LRRC37A2: variants seen among roughly 807,000 people sequenced by gnomAD.
LRRC37A2 encodes leucine-rich repeat-containing protein 37A2.
Under a neutral mutation model 68.8 loss-of-function variants are expected in LRRC37A2, and 9 were observed. That is an observed-to-expected ratio of 0.13 (90% CI 0.08 to 0.23). The LOEUF is 0.23. LRRC37A2 is among the 10% of genes least tolerant of loss of function. The pLI is 1.00. For missense variants in LRRC37A2, 168 were observed against 950.4 expected (o/e 0.18, Z 10.82); for synonymous variants, 63 against 367.6 (o/e 0.17, Z 9.48).
the LRRC37A2 span, among the ~76,000 whole-genome samples, chr17:46,865,670 C>T: frequency 0.01 from 1,578 of 152,188 alleles, 23 homozygotes; most frequent in African/African-American, 0.036. Context: ...GGCTGGAGTG[C>T]GGTGGCGTGA....
chr17:46,978,764 A>G, the LRRC37A2 span: 1 of 1,612,618 alleles, frequency 6.2e-7, no homozygotes. Flanking sequence ...AAGACGCCGA[A>G]GACCACGGTA....
At chr17:46,868,579 G>C in the LRRC37A2 span, among the ~76,000 whole-genome samples, 1 of 151,958 alleles carries the variant, frequency 6.6e-6, no homozygotes, top group Non-Finnish European at 1.5e-5. Context: ...CTGGGTGATG[G>C]AGTGAGACTC....
the LRRC37A2 span, among the ~76,000 whole-genome samples, chr17:46,961,718 A>G: frequency 6.6e-6 from 1 of 152,198 alleles, no homozygotes; most frequent in Non-Finnish European, 1.5e-5. Context: ...GACATAGAAA[A>G]TTTGCAAGCA....
the LRRC37A2 span, among the ~76,000 whole-genome samples, chr17:46,914,975 A>G: frequency 6.6e-6 from 1 of 152,312 alleles, no homozygotes; most frequent in South Asian, 2.1e-4. Flanking sequence ...ATATTTTCAT[A>G]AGCCCTGTAC....
At chr17:46,817,073 G>A in the LRRC37A2 span, among the ~76,000 whole-genome samples, 808 of 152,298 alleles carry the variant, frequency 5.3e-3, 8 homozygotes, top group Middle Eastern at 0.014. Context: ...GGCTGTCCTG[G>A]GAGCAACTCC....
At chr17:47,011,882 A>T in the LRRC37A2 span, among the ~76,000 whole-genome samples, 1 of 152,016 alleles carries the variant, frequency 6.6e-6, no homozygotes, top group Non-Finnish European at 1.5e-5. Flanking sequence ...GGGGGCACAC[A>T]CTCTCTCTCT....
chr17:46,745,947 G>A, the LRRC37A2 span, among the ~76,000 whole-genome samples: 1 of 152,122 alleles, frequency 6.6e-6, no homozygotes, highest in Non-Finnish European at 1.5e-5. Context: ...GGCTTAGAAT[G>A]TCCTTCCCCT....
chr17:46,545,469 C>G (rs1397282677), intron 8 of LRRC37A2, among the ~76,000 whole-genome samples: 2 of 112,260 alleles, frequency 1.8e-5, no homozygotes, highest in Non-Finnish European at 3.4e-5. Context: ...ATAATTTTCC[C>G]CTTGGTAATT....
the LRRC37A2 span, chr17:46,940,240 A>G: frequency 7.0e-7 from 1 of 1,421,490 alleles, no homozygotes; most frequent in Non-Finnish European, 9.2e-7. Flanking sequence ...CCTGGATGCT[A>G]ATTTCACACT....
chr17:46,900,202 T>TATATATATACACACACACAC, the LRRC37A2 span, among the ~76,000 whole-genome samples: 1 of 101,172 alleles, frequency 9.9e-6, no homozygotes, highest in African/African-American at 5.1e-5. Context: ...TATATATATA[T>TATATATATACACACACACAC]ACACACACAC....
At chr17:46,710,204 A>T in the LRRC37A2 span, among the ~76,000 whole-genome samples, 2 of 152,154 alleles carry the variant, frequency 1.3e-5, no homozygotes, top group Admixed American at 6.5e-5. Context: ...ATGTTTTCCT[A>T]TTTATTCTGT....
chr17:46,820,050 G>A, the LRRC37A2 span, among the ~76,000 whole-genome samples: 5 of 152,232 alleles, frequency 3.3e-5, no homozygotes, highest in Non-Finnish European at 5.9e-5. Flanking sequence ...TCCCACAGAG[G>A]CCTGGAACGG....
chr17:46,889,738 A>G, the LRRC37A2 span, among the ~76,000 whole-genome samples: 4 of 152,102 alleles, frequency 2.6e-5, no homozygotes, highest in East Asian at 5.8e-4. Context: ...GTTGCATTTC[A>G]TGAACTCCTA....
chr17:46,731,171 GTACCATTACATAC>G, the LRRC37A2 span, among the ~76,000 whole-genome samples: 16 of 152,096 alleles, frequency 1.1e-4, no homozygotes, highest in South Asian at 3.1e-3. Flanking sequence ...AAAAAAAGTA[GTACCATTACATAC>G]TACAACATGA....
At chr17:47,010,875 C>A in the LRRC37A2 span, 5 of 152,234 alleles carry the variant, frequency 3.3e-5, no homozygotes, top group Non-Finnish European at 7.3e-5. Flanking sequence ...TCCTCCTTCC[C>A]GAGGCTCAGT....
chr17:46,891,918 C>CTTTTTTTTTTTT, the LRRC37A2 span, among the ~76,000 whole-genome samples: 5 of 71,814 alleles, frequency 7.0e-5, no homozygotes, highest in East Asian at 3.7e-4. Flanking sequence ...CTTTTCTTTT[C>CTTTTTTTTTTTT]TTTTTTTTTT....
the LRRC37A2 span, among the ~76,000 whole-genome samples, chr17:46,717,331 A>G: frequency 6.6e-6 from 1 of 152,228 alleles, no homozygotes; most frequent in Non-Finnish European, 1.5e-5. Context: ...GATGGTTATC[A>G]GAGGCTGGGA....
At chr17:46,905,990 TG>T in the LRRC37A2 span, among the ~76,000 whole-genome samples, 1 of 152,290 alleles carries the variant, frequency 6.6e-6, no homozygotes, top group Admixed American at 6.5e-5. Flanking sequence ...GGGCCGGATA[TG>T]GGCTGCCGAC....
chr17:46,509,907 G>A (rs2050900897), upstream of LRRC37A2, among the ~76,000 whole-genome samples: 1 of 53,504 alleles, frequency 1.9e-5, no homozygotes, highest in African/African-American at 6.1e-5. Context: ...ACACTCTCTC[G>A]AGGAAAAAAA....
Sources: gnomAD v4.1 joint callset for allele counts (sites outside exome capture counted in the v4.1 genomes callset) on GRCh38, gnomAD v4.1.1 for gene constraint, MANE v1.5 for transcripts, NCBI Gene and HGNC (gene_info 2026-07-23, HGNC 2026-07-21) for gene names.